The following METTL14 variants were observed in gnomAD, a reference collection of about 807,000 sequenced individuals.
METTL14 encodes methyltransferase 14, N6-adenosine-methyltransferase non-catalytic subunit.
METTL14 carries 32 observed loss-of-function variants against 62.4 expected under a neutral mutation model. The ratio of observed to expected loss-of-function variants is 0.51; its 90% CI spans 0.39 to 0.69. The LOEUF (loss-of-function observed/expected upper bound fraction) is 0.69. Ranked by LOEUF, METTL14 falls within the 30% of genes least tolerant of loss-of-function variation. METTL14 has a pLI of 0.00. For missense variants in METTL14, 340 were observed against 551.9 expected, an observed-to-expected ratio of 0.62 and a Z score of 3.85; for synonymous variants, 150 against 180.0, an observed-to-expected ratio of 0.83 and a Z score of 1.34.
At chr4:118,685,670 A>C (rs1579062160) in intron 1 of METTL14, 70 bp downstream of exon 1, 27 of 1,351,586 alleles carry the variant, frequency 2.0e-5, no homozygotes, top group Middle Eastern at 2.3e-4. Context: ...CTCCCTCCAC[A>C]CCCCGCCTTT....
chr4:118,689,402 A>G lies in METTL14; in HGVS notation c.188A>G (p.Lys63Arg). The change falls in exon 3 of 11, where the codon AAA (lysine) becomes AGA (arginine). Residue 63 changes from lysine (K) to arginine (R), a missense_variant. By Grantham distance (26) the Lys-to-Arg change is conservative. Coordinates refer to ENST00000388822, the MANE Select transcript of METTL14 (RefSeq NM_020961.4). ...TATGATACCTCTGCTCCAAATGCAAAACGTAAGTATCTGGATGAAGGAGAG... is the reference window on the plus strand; with the variant it reads ...TATGATACCTCTGCTCCAAATGCAAGACGTAAGTATCTGGATGAAGGAGAG... ...ASYDTSAPNA[K>R]RKYLDEGETD... is the part of the protein sequence containing the mutation. 1 of 1,605,866 alleles carries G rather than the reference A, an allele frequency of 6.2e-7. No individual in the cohort carries two copies. The highest frequency in any genetic ancestry group is 2.2e-5 in the East Asian group (1 of 44,486).
chr4:118,709,159 T>C (rs1724847103), intron 10 of METTL14, among the ~76,000 whole-genome samples: 1 of 152,320 alleles, frequency 6.6e-6, no homozygotes, highest in South Asian at 2.1e-4. Flanking sequence ...GAAAATAATA[T>C]GGGCACAAAA....
At chr4:118,707,663 CA>C (rs58896173) in intron 10 of METTL14, among the ~76,000 whole-genome samples, 1,195 of 54,098 alleles carry the variant, frequency 0.022, 8 homozygotes, top group African/African-American at 0.061. Flanking sequence ...GACCCTGTCT[CA>C]AAAAAAAAAA....
In METTL14 at chr4:118,691,729, A is replaced by G. The variant is rs934350136; in HGVS notation, c.324+117A>G. Reference sequence around the variant, plus strand: ...TTTTAATTATTGAGGGATCATTGTTATAAAATAAAGATTATTTAAAATTAC... The same window carrying G: ...TTTTAATTATTGAGGGATCATTGTTGTAAAATAAAGATTATTTAAAATTAC... On this transcript the variant is annotated intron_variant, in intron 4 of 10. Transcript: ENST00000388822. The G allele has an allele frequency of 1.3e-5, 8 of 605,416 alleles. No homozygotes were observed. The African/African-American group carries it at 1.5e-4, about 12-fold the overall frequency. The allele number at this position is 605,416 out of a possible 1,614,324, so 37.5% of individuals were successfully genotyped here.
chr4:118,688,227 G>A (rs1480246251), intron 2 of METTL14, among the ~76,000 whole-genome samples: 1 of 151,958 alleles, frequency 6.6e-6, no homozygotes, highest in Non-Finnish European at 1.5e-5. Flanking sequence ...CCAGGAAGTC[G>A]GGAGTTCGAG....
intron 6 of METTL14, among the ~76,000 whole-genome samples, chr4:118,695,020 C>T (rs28547345): frequency 0.029 from 4,469 of 151,904 alleles, 220 homozygotes; most frequent in African/African-American, 0.1. Context: ...TTAGTAGAGA[C>T]GGGGTTTCAC....
rs1725000227 is a variant in METTL14, at chr4:118,714,362, T to G, written c.*4060T>G. Reference sequence around the variant, plus strand: ...TCTTGGTCTCAGGCCATAGCAACTATAGAGAGAAGAGTGGGGCTGGAGACC... The same window carrying G: ...TCTTGGTCTCAGGCCATAGCAACTAGAGAGAGAAGAGTGGGGCTGGAGACC... On this transcript the variant is annotated 3_prime_UTR_variant, in exon 11 of 11. Coordinates refer to ENST00000388822, the MANE Select transcript of METTL14 (RefSeq NM_020961.4). 1 of 152,176 alleles carries G rather than the reference T, an allele frequency of 6.6e-6. No homozygotes were observed. Among genetic ancestry groups the G allele is most frequent in the African/African-American group, 2.4e-5 (1 of 41,442 alleles). 9.4% of individuals were successfully genotyped at this position (152,176 alleles called of 1,614,324 possible). A position where few individuals can be genotyped will look rare whatever the true frequency, so the allele number is the denominator to read the frequency against.
rs911043083 is a variant in METTL14, at chr4:118,705,469, G to A, written c.856-142G>A. 13 of 700,514 alleles carry A rather than the reference G, an allele frequency of 1.9e-5. No homozygotes were observed. In the African/African-American group the frequency reaches 2.3e-4, roughly 13 times the overall value. The allele number at this position is 700,514 out of a possible 1,614,324, so 43.4% of individuals were successfully genotyped here. A position where few individuals can be genotyped will look rare whatever the true frequency, so the allele number is the denominator to read the frequency against. On this transcript the variant is annotated intron_variant, in intron 9 of 10. Transcript: ENST00000388822. The stretch of plus-strand genomic sequence containing the variant: ...AGCCTGGGTGACAGAGCGAGACCCA[G>A]TCTCAAAAAGAAGAGAAATAACTGT...
At chr4:118,700,025 G>T (rs1435056005) in intron 7 of METTL14, among the ~76,000 whole-genome samples, 1 of 151,510 alleles carries the variant, frequency 6.6e-6, no homozygotes, top group Non-Finnish European at 1.5e-5. Context: ...AGTGTCAAAA[G>T]AGAATAATTT....
intron 6 of METTL14, 48 bp from the exon 7 acceptor site, chr4:118,697,134 A>T (rs777237034): frequency 7.0e-5 from 102 of 1,448,894 alleles, no homozygotes; most frequent in Admixed American, 1.8e-4. Flanking sequence ...AATCTTATTT[A>T]AAAAGCATTT....
At chr4:118,691,495 A>C in intron 3 of METTL14, 37 bp from the exon 4 acceptor site, 1 of 1,184,608 alleles carries the variant, frequency 8.4e-7, no homozygotes. Flanking sequence ...AATAACCCCT[A>C]TTTGTAAAAT....
intron 1 of METTL14, among the ~76,000 whole-genome samples, chr4:118,687,450 C>A (rs1037672335): frequency 3.3e-5 from 5 of 152,076 alleles, no homozygotes; most frequent in Non-Finnish European, 4.4e-5. Flanking sequence ...ACAGATGGTT[C>A]CAGACTTACT....
At position 118,697,197 on chromosome 4, in the gene METTL14, T is replaced by A. The variant is rs746036108; in HGVS notation, c.519T>A (p.Asp173Glu). ...SNTPPMYLQA[D>E]IEAFDIRELT... ...AATCAAATAGGTACTTACAAGCCGATATAGAAGCCTTTGACATCAGAGAAC... is the reference window on the plus strand; with the variant it reads ...AATCAAATAGGTACTTACAAGCCGAAATAGAAGCCTTTGACATCAGAGAAC... The change falls in exon 7 of 11, where the codon GAT (aspartate) becomes GAA (glutamate). Residue 173 changes from aspartate (D) to glutamate (E), a missense_variant. Physicochemically the swap from Asp to Glu is conservative, Grantham distance 45. Transcript: ENST00000388822. 1 of 1,605,666 alleles carries A rather than the reference T, an allele frequency of 6.2e-7. No homozygotes were observed. The highest frequency in any genetic ancestry group is 1.7e-5 in the Admixed American group (1 of 57,860).
rs112275305 is a variant in METTL14, at chr4:118,704,523, C to G, written c.855+472C>G. Reference sequence around the variant, plus strand: ...TTTGTTCTTACTTTTTAGGGAGCCTCTGGTGGGAGGGTCTTTCTTATTAAG... The same window carrying G: ...TTTGTTCTTACTTTTTAGGGAGCCTGTGGTGGGAGGGTCTTTCTTATTAAG... On this transcript the variant is annotated intron_variant, in intron 9 of 10. Transcript: ENST00000388822. Among the ~76,000 whole-genome samples, 1,364 of 152,188 alleles carry G rather than the reference C, an allele frequency of 9.0e-3. 29 individuals carry two copies. Among genetic ancestry groups the G allele is most frequent in the African/African-American group, 0.032 (1,319 of 41,520 alleles).
chr4:118,692,530 A>G (rs1375484945), intron 5 of METTL14, among the ~76,000 whole-genome samples: 1 of 151,990 alleles, frequency 6.6e-6, no homozygotes, highest in Non-Finnish European at 1.5e-5. Flanking sequence ...AGCCTCCCAA[A>G]GTGCTGAGAT....
In METTL14 at chr4:118,687,940, C is replaced by T. The variant is rs747135103; in HGVS notation, c.84C>T (p.Ala28=). The change falls in exon 2 of 11, where the codon GCC becomes GCT. Residue 28 remains alanine (A), a synonymous_variant. Coordinates refer to ENST00000388822, the MANE Select transcript of METTL14 (RefSeq NM_020961.4). Reference sequence around the variant, plus strand: ...TTTCTCAGTTGGGAGCTGAAAGTGCCGACAGCATTGGTGCCGTGTTAAATA... The same window carrying T: ...TTTCTCAGTTGGGAGCTGAAAGTGCTGACAGCATTGGTGCCGTGTTAAATA... The part of the protein sequence containing the change: ...LLAQQLGAES[A]DSIGAVLNSK... 7.3e-5 allele frequency: 118 copies of T among 1,613,502 alleles called. No homozygotes were observed. The highest frequency in any genetic ancestry group is 1.6e-4 in the Middle Eastern group (1 of 6,078).
At chr4:118,691,909 G>T in intron 4 of METTL14, 72 bp from the exon 5 acceptor site, 1 of 962,334 alleles carries the variant, frequency 1.0e-6, no homozygotes, top group South Asian at 1.5e-5. Context: ...CCTTGTAATA[G>T]AAAACAGTAC....
chr4:118,703,747 G>A (rs964014043), intron 8 of METTL14, among the ~76,000 whole-genome samples, 188 bp from the exon 9 acceptor site: 3 of 152,004 alleles, frequency 2.0e-5, no homozygotes, highest in African/African-American at 7.3e-5. Context: ...TATGCATTCC[G>A]TATTATGGCT....
chr4:118,709,701 C>T (rs978195072), intron 10 of METTL14, among the ~76,000 whole-genome samples: 5 of 152,200 alleles, frequency 3.3e-5, no homozygotes, highest in Non-Finnish European at 7.3e-5. Flanking sequence ...TTTCACTAAA[C>T]CCAAACTCAG....
Sources: gnomAD v4.1 joint callset for allele counts (sites outside exome capture counted in the v4.1 genomes callset) on GRCh38, gnomAD v4.1.1 for gene constraint, MANE v1.5 for transcripts, NCBI Gene and HGNC (gene_info 2026-07-23, HGNC 2026-07-21) for gene names.